The following SFMBT2 variants were observed in gnomAD, a reference collection of about 807,000 sequenced individuals.
SFMBT2 encodes the protein Scm like with four mbt domains 2, also known as scm-like with four MBT domains protein 2.
A neutral mutation model predicts 110.1 loss-of-function variants in SFMBT2; 38 were observed. That is an observed-to-expected ratio of 0.35 (90% CI 0.27 to 0.45). The LOEUF (loss-of-function observed/expected upper bound fraction) is 0.45. Ranked by LOEUF, SFMBT2 falls within the 20% of genes least tolerant of loss-of-function variation. SFMBT2 has a pLI of 1.00. For synonymous variants in SFMBT2, 425 were observed against 425.4 expected (o/e 1.00, Z 0.01); for missense variants, 1,011 against 1,094.9 (o/e 0.92, Z 1.08).
chr10:7,248,842 T>A (rs1017004678), intron 7 of SFMBT2, among the ~76,000 whole-genome samples, 193 bp from the exon 8 acceptor site: 55 of 152,232 alleles, frequency 3.6e-4, no homozygotes, highest in Non-Finnish European at 7.3e-5. Flanking sequence ...AAATTGCTTT[T>A]CCAAGGGAGA....
intron 4 of SFMBT2, among the ~76,000 whole-genome samples, chr10:7,286,915 C>T (rs2131847960): frequency 6.6e-6 from 1 of 152,084 alleles, no homozygotes; most frequent in South Asian, 2.1e-4. Context: ...TGGGACATCT[C>T]TGTATAAAAT....
At chr10:7,303,889 T>C (rs997375053) in intron 4 of SFMBT2, among the ~76,000 whole-genome samples, 3 of 152,238 alleles carry the variant, frequency 2.0e-5, no homozygotes, top group Admixed American at 1.3e-4. Flanking sequence ...TTAGGTTACA[T>C]GGAGTGGAGA....
intron 12 of SFMBT2, chr10:7,203,661 C>A (rs145324580): frequency 1.7e-3 from 1,639 of 984,662 alleles, no homozygotes; most frequent in Non-Finnish European, 1.8e-3. Context: ...CAGGACAACA[C>A]TCAGGTTGGG....
At chr10:7,382,751 C>T (rs1347576688) in intron 1 of SFMBT2, among the ~76,000 whole-genome samples, 2 of 152,168 alleles carry the variant, frequency 1.3e-5, no homozygotes, top group Non-Finnish European at 2.9e-5. Context: ...GTTAAAGTAT[C>T]GATGTTTGTC....
intron 7 of SFMBT2, among the ~76,000 whole-genome samples, chr10:7,266,757 T>C (rs571682366): frequency 6.6e-6 from 1 of 152,286 alleles, no homozygotes; most frequent in Non-Finnish European, 1.5e-5. Flanking sequence ...ACAGAGATGG[T>C]GGCCTGGACT....
rs919189019 is a variant in SFMBT2, at chr10:7,381,716, G to A, written c.100+83C>T. The A allele has an allele frequency of 2.9e-6, 4 of 1,397,478 alleles. No individual in the cohort carries two copies. In the South Asian group the frequency reaches 3.8e-5, roughly 13 times the overall value. The allele number at this position is 1,397,478 out of a possible 1,614,324, so 86.6% of individuals were successfully genotyped here. ...ACAGTATGTGAGATCTACAAATGTT[G>A]CCCCATTGTTTCCTGAATACTTTCA... On this transcript the variant is annotated intron_variant, in intron 2 of 20. Transcript: ENST00000397167.
Position 7,159,804 on chromosome 10 carries a change from T to C in SFMBT2, c.*3966A>G, listed in dbSNP as rs1837503256. On this transcript the variant is annotated 3_prime_UTR_variant, in exon 21 of 21. Coordinates refer to ENST00000397167, the MANE Select transcript of SFMBT2 (RefSeq NM_001387889.1). ...CAGAAATAAATATAAATGGGTGTTC[T>C]ATAAAATAAGTATGAAAACCCCTAG... 6.6e-6 allele frequency: 1 copy of C among 152,188 alleles called. No individual in the cohort carries two copies. Among genetic ancestry groups the C allele is most frequent in the Non-Finnish European group, 1.5e-5 (1 of 68,028 alleles). The allele number at this position is 152,188 out of a possible 1,614,324, so 9.4% of individuals were successfully genotyped here.
chr10:7,198,897 C>T (rs954640559), intron 14 of SFMBT2, among the ~76,000 whole-genome samples: 12 of 151,914 alleles, frequency 7.9e-5, no homozygotes, highest in African/African-American at 2.2e-4. Flanking sequence ...AAAAATTAGC[C>T]GGGCATGGTA....
In SFMBT2 at chr10:7,355,932, CTG is replaced by C. The variant is rs1221925000; in HGVS notation, c.436+11715_436+11716del. Among the ~76,000 whole-genome samples, 5 of 152,226 alleles carry C rather than the reference CTG, an allele frequency of 3.3e-5. No homozygotes were observed. In the East Asian group the frequency reaches 9.6e-4, roughly 29 times the overall value. Reference sequence around the variant, plus strand: ...AACTATTGCAAAGTGATTCTTCACTCTGTAAAAAATTTATTATATTTGTGCTT... The same window carrying C: ...AACTATTGCAAAGTGATTCTTCACTCTAAAAAATTTATTATATTTGTGCTT... On this transcript the variant is annotated intron_variant, in intron 4 of 20. Transcript: ENST00000397167.
chr10:7,228,741 TCTCTCTCTCTC>T (rs1840012502), intron 9 of SFMBT2, among the ~76,000 whole-genome samples: 1 of 30,830 alleles, frequency 3.2e-5, no homozygotes, highest in Non-Finnish European at 7.4e-5. Context: ...CTTTCCTTTC[TCTCTCTCTCTC>T]TCTCTCTCTC....
At chr10:7,279,653 G>A (rs1841893139) in intron 6 of SFMBT2, among the ~76,000 whole-genome samples, 1 of 152,170 alleles carries the variant, frequency 6.6e-6, no homozygotes, top group Non-Finnish European at 1.5e-5. Context: ...TCTGTTTCTG[G>A]GAAGGTCGTG....
At chr10:7,391,465 CAAAA>C (rs1197734483) in intron 1 of SFMBT2, among the ~76,000 whole-genome samples, 1 of 81,206 alleles carries the variant, frequency 1.2e-5, no homozygotes. Flanking sequence ...GACTCTGTCT[CAAAA>C]AAAAAAAAAA....
rs1377523714 is a variant in SFMBT2, at chr10:7,377,165, T to C, written c.100+4634A>G. Among the ~76,000 whole-genome samples, 4 of 35,164 alleles carry C rather than the reference T, an allele frequency of 1.1e-4. No homozygotes were observed. In the East Asian group the frequency reaches 2.7e-3, roughly 24 times the overall value. 23.1% of individuals were successfully genotyped at this position (35,164 alleles called of 152,430 possible). A position where few individuals can be genotyped will look rare whatever the true frequency, so the allele number is the denominator to read the frequency against. ...GCCTGGGAGACAGAGCGAGACTCCA[T>C]CTCAAAAAAAAAAAAAAAAAAAAAA... On this transcript the variant is annotated intron_variant, in intron 2 of 20. Transcript: ENST00000397167.
At chr10:7,179,157 T>C (rs528471990) in intron 16 of SFMBT2, among the ~76,000 whole-genome samples, 1 of 152,098 alleles carries the variant, frequency 6.6e-6, no homozygotes, top group Non-Finnish European at 1.5e-5. Context: ...CCTGGGTGTT[T>C]GTTTTTCTTC....
chr10:7,221,883 C>T (rs1839753521), intron 10 of SFMBT2, among the ~76,000 whole-genome samples: 2 of 152,106 alleles, frequency 1.3e-5, no homozygotes, highest in African/African-American at 4.8e-5. Context: ...CAGAACCATC[C>T]CTTCACCCCC....
At chr10:7,240,225 T>G (rs1028258644) in intron 9 of SFMBT2, among the ~76,000 whole-genome samples, 1 of 152,158 alleles carries the variant, frequency 6.6e-6, no homozygotes, top group Admixed American at 6.6e-5. Flanking sequence ...TACAAAAATA[T>G]AAGCAAACAC....
At chr10:7,254,008 C>A (rs573793523) in intron 7 of SFMBT2, among the ~76,000 whole-genome samples, 7 of 152,146 alleles carry the variant, frequency 4.6e-5, no homozygotes, top group African/African-American at 1.7e-4. Flanking sequence ...CGTTTTACTG[C>A]AAGAGCGTGA....
intron 4 of SFMBT2, among the ~76,000 whole-genome samples, chr10:7,336,372 T>A (rs961628244): frequency 1.3e-5 from 2 of 152,206 alleles, no homozygotes; most frequent in Non-Finnish European, 2.9e-5. Context: ...TGGGTCTTCA[T>A]GGCAGAGCCA....
chr10:7,270,962 G>A (rs1235450525), intron 7 of SFMBT2, among the ~76,000 whole-genome samples: 2 of 152,110 alleles, frequency 1.3e-5, no homozygotes, highest in East Asian at 3.8e-4. Context: ...AAGTGTGCAT[G>A]TCCATTTAAT....
Sources: allele counts gnomAD v4.1 joint callset (sites outside exome capture counted in the v4.1 genomes callset), GRCh38; gene constraint gnomAD v4.1.1; transcripts MANE v1.5; gene names NCBI Gene and HGNC (gene_info 2026-07-23, HGNC 2026-07-21).